The following RBFOX1 variants were observed in gnomAD, a reference collection of about 807,000 sequenced individuals.
The protein encoded by RBFOX1 is RNA binding protein fox-1 homolog 1.
RBFOX1 carries 8 observed loss-of-function variants against 57.7 expected under a neutral mutation model. The ratio of observed to expected loss-of-function variants is 0.14; its 90% CI spans 0.08 to 0.25. RBFOX1 has a LOEUF of 0.25. RBFOX1 is among the 10% of genes least tolerant of loss of function. The probability of loss-of-function intolerance (pLI) is 1.00; values close to 1 mark genes in which losing one functional copy is unlikely to be tolerated. For synonymous variants in RBFOX1, 326 were observed against 222.4 expected (o/e 1.47, Z -4.15); for missense variants, 611 against 548.5 (o/e 1.11, Z -1.14).
intron 3 of RBFOX1, among the ~76,000 whole-genome samples, chr16:5,730,497 T>C (rs1341160869): frequency 6.6e-6 from 1 of 152,298 alleles, no homozygotes; most frequent in East Asian, 1.9e-4. Flanking sequence ...GTCCAAGATT[T>C]GACCAACTAG....
intron 2 of RBFOX1, among the ~76,000 whole-genome samples, chr16:5,468,273 C>G (rs1315482630): frequency 6.6e-5 from 10 of 152,212 alleles, no homozygotes; most frequent in Admixed American, 5.9e-4. Flanking sequence ...TGGGCAATCA[C>G]TACCTCTCTG....
At chr16:6,861,155 A>T (rs532633263) in intron 3 of RBFOX1, among the ~76,000 whole-genome samples, 2 of 152,250 alleles carry the variant, frequency 1.3e-5, no homozygotes, top group African/African-American at 4.8e-5. Context: ...CGTATTTTTT[A>T]TATGTCTCAT....
At chr16:5,350,289 G>A (rs571667476) in intron 1 of RBFOX1, among the ~76,000 whole-genome samples, 1 of 152,240 alleles carries the variant, frequency 6.6e-6, no homozygotes, top group Admixed American at 6.5e-5. Flanking sequence ...GAGACAAATG[G>A]GGCATGAAGC....
intron 3 of RBFOX1, among the ~76,000 whole-genome samples, chr16:5,625,613 G>A (rs558425315): frequency 2.0e-5 from 3 of 151,322 alleles, no homozygotes; most frequent in African/African-American, 7.3e-5. Flanking sequence ...GCTCGAGTAT[G>A]GTGGTGCAAT....
intron 3 of RBFOX1, among the ~76,000 whole-genome samples, chr16:7,035,007 C>T (rs1327698964): frequency 6.8e-6 from 1 of 147,950 alleles, no homozygotes; most frequent in Non-Finnish European, 1.5e-5. Flanking sequence ...ACCACCATGC[C>T]TGGCTAATTT....
At chr16:5,897,553 G>A (rs1329809513) in intron 4 of RBFOX1, among the ~76,000 whole-genome samples, 1 of 152,116 alleles carries the variant, frequency 6.6e-6, no homozygotes, top group African/African-American at 2.4e-5. Flanking sequence ...GATGACCCCC[G>A]GGGTTTGCTC....
intron 3 of RBFOX1, among the ~76,000 whole-genome samples, chr16:5,728,831 G>A (rs372228076): frequency 1.3e-5 from 2 of 152,080 alleles, no homozygotes; most frequent in African/African-American, 2.4e-5. Flanking sequence ...CTCCAGCAAA[G>A]TTCCAAGATC....
chr16:5,550,007 A>T (rs574506072), intron 2 of RBFOX1, among the ~76,000 whole-genome samples: 1 of 152,340 alleles, frequency 6.6e-6, no homozygotes, highest in African/African-American at 2.4e-5. Context: ...GTCTCAGCCC[A>T]GCTGGTTACA....
intron 4 of RBFOX1, among the ~76,000 whole-genome samples, chr16:7,495,411 C>G (rs2068297730): frequency 6.6e-6 from 1 of 152,196 alleles, no homozygotes; most frequent in Admixed American, 6.5e-5. Context: ...TCCACAGTGG[C>G]TGAACTAATT....
intron 4 of RBFOX1, among the ~76,000 whole-genome samples, chr16:7,379,818 C>G (rs1306003537): frequency 6.6e-6 from 1 of 151,872 alleles, no homozygotes; most frequent in East Asian, 1.9e-4. Context: ...GCCTCCCTCC[C>G]TCCCTCCTCT....
chr16:6,380,383 T>G (rs2091673155), intron 2 of RBFOX1, among the ~76,000 whole-genome samples: 4 of 137,206 alleles, frequency 2.9e-5, no homozygotes, highest in African/African-American at 5.5e-5. Context: ...CGTCTGTGAG[T>G]GGTGAATGGT....
intron 2 of RBFOX1, among the ~76,000 whole-genome samples, chr16:6,464,909 G>C (rs1383178145): frequency 6.6e-6 from 1 of 152,184 alleles, no homozygotes; most frequent in African/African-American, 2.4e-5. Flanking sequence ...CAGAGATCCC[G>C]GGGGCAATTC....
intron 3 of RBFOX1, among the ~76,000 whole-genome samples, chr16:7,037,939 T>G (rs949983654): frequency 1.3e-5 from 2 of 152,198 alleles, no homozygotes; most frequent in African/African-American, 4.8e-5. Context: ...TATCAACTTC[T>G]GATAAAATTA....
intron 3 of RBFOX1, among the ~76,000 whole-genome samples, chr16:6,907,424 G>C (rs749985720): frequency 1.3e-5 from 2 of 152,156 alleles, no homozygotes; most frequent in East Asian, 1.9e-4. Context: ...CTAAAGACTT[G>C]GTGGTTTCAA....
chr16:7,231,401 T>G (rs1022557223), intron 4 of RBFOX1, among the ~76,000 whole-genome samples: 2 of 152,164 alleles, frequency 1.3e-5, no homozygotes, highest in African/African-American at 4.8e-5. Context: ...AGTATAGCTG[T>G]GTTCACTGCA....
intron 3 of RBFOX1, among the ~76,000 whole-genome samples, chr16:6,801,237 A>G (rs908821168): frequency 9.3e-5 from 14 of 150,934 alleles, no homozygotes; most frequent in African/African-American, 3.4e-4. Context: ...CATATCATGT[A>G]TTTTGCCATG....
chr16:5,648,862 G>C (rs1232989836), intron 3 of RBFOX1, among the ~76,000 whole-genome samples: 6 of 152,088 alleles, frequency 3.9e-5, no homozygotes, highest in Admixed American at 3.9e-4. Flanking sequence ...TCAGGAGTTT[G>C]AGTCCAGGCT....
chr16:5,613,005 C>T (rs1029444763), intron 3 of RBFOX1, among the ~76,000 whole-genome samples: 2 of 152,286 alleles, frequency 1.3e-5, no homozygotes, highest in South Asian at 2.1e-4. Flanking sequence ...CTCCATTTTA[C>T]AGATGACAAG....
intron 3 of RBFOX1, among the ~76,000 whole-genome samples, chr16:5,727,642 C>A (rs761501539): frequency 1.3e-5 from 2 of 152,108 alleles, no homozygotes; most frequent in African/African-American, 4.8e-5. Flanking sequence ...TACCCACCCT[C>A]AAGCTCTTGG....
Sources: allele counts gnomAD v4.1 joint callset (sites outside exome capture counted in the v4.1 genomes callset), GRCh38; gene constraint gnomAD v4.1.1; transcripts MANE v1.5; gene names NCBI Gene and HGNC (gene_info 2026-07-23, HGNC 2026-07-21).